The following RBM41 variants were observed in gnomAD, a reference collection of about 807,000 sequenced individuals.
RBM41 encodes the protein RNA binding motif protein 41, also known as RNA-binding protein 41.
RBM41 carries 14 observed loss-of-function variants against 30.8 expected under a neutral mutation model. The ratio of observed to expected loss-of-function variants is 0.45; its 90% CI spans 0.30 to 0.71. The LOEUF is 0.71. Ranked by LOEUF, RBM41 falls within the 30% of genes least tolerant of loss-of-function variation. The pLI, the probability that RBM41 is intolerant of heterozygous loss-of-function variation, is 0.08. For missense variants in RBM41, 276 were observed against 326.3 expected (o/e 0.85, Z 1.19); for synonymous variants, 120 against 110.1 (o/e 1.09, Z -0.56).
chrX:107,077,442 A>T (rs1005540646), intron 6 of RBM41, among the ~76,000 whole-genome samples: 6 of 110,812 alleles, frequency 5.4e-5, no homozygotes, highest in Non-Finnish European at 1.1e-4. Flanking sequence ...CAATATGAAT[A>T]ATTTTTAAAA....
chrX:107,060,956 CT>C (rs1013602988), downstream of RBM41, among the ~76,000 whole-genome samples: 3 of 111,433 alleles, frequency 2.7e-5, no homozygotes, highest in East Asian at 2.8e-4. Flanking sequence ...CTAAAAATCA[CT>C]TTTGTGGCAT....
chrX:107,056,189 A>G, the RBM41 span, among the ~76,000 whole-genome samples: 2 of 111,946 alleles, frequency 1.8e-5, no homozygotes, highest in East Asian at 5.6e-4. Context: ...GTAACTTATT[A>G]CATTGATTGA....
chrX:107,110,788 A>G (rs1924401535), intron 5 of RBM41, among the ~76,000 whole-genome samples: 1 of 111,524 alleles, frequency 9.0e-6, no homozygotes, highest in Non-Finnish European at 1.9e-5. Flanking sequence ...AGGATCATTC[A>G]GTGTGGAAAG....
At chrX:107,101,298 C>T (rs912402458) in intron 5 of RBM41, among the ~76,000 whole-genome samples, 3 of 110,713 alleles carry the variant, frequency 2.7e-5, no homozygotes, top group Non-Finnish European at 5.7e-5. Flanking sequence ...AGATCGTTTG[C>T]AAAAAAAGTG....
chrX:107,118,343 G>A (rs1330937980), intron 1 of RBM41, among the ~76,000 whole-genome samples: 1 of 111,134 alleles, frequency 9.0e-6, no homozygotes, highest in African/African-American at 3.3e-5. Context: ...ACACACAGAC[G>A]TTGCAAATAA....
rs181905591 is a variant in RBM41, at chrX:107,083,863, A to C, written c.999+4573T>G. 5.5e-5 allele frequency among the ~76,000 whole-genome samples: 6 copies of C among 109,678 alleles called. No homozygotes were observed. In the East Asian group the frequency reaches 1.4e-3, roughly 26 times the overall value. ...GGTTATTTTAAATTCCATATCTGAT[A>C]ATTCCAAAACCTGAATTTGGTTCTC... On this transcript the variant is annotated intron_variant, in intron 6 of 7. Coordinates refer to ENST00000685964, the MANE Select transcript of RBM41 (RefSeq NM_001324242.2).
chrX:107,115,649 AGAAAT>A, intron 3 of RBM41, 93 bp from the exon 4 acceptor site: 1 of 921,450 alleles, frequency 1.1e-6, no homozygotes, highest in Non-Finnish European at 1.5e-6. Flanking sequence ...ACCTAGGCCC[AGAAAT>A]GAATGTTTAC....
chrX:107,083,412 T>C lies in RBM41; in HGVS notation c.999+5024A>G, dbSNP rs536766714. 1.8e-3 allele frequency among the ~76,000 whole-genome samples: 195 copies of C among 111,351 alleles called. 1 individual carries two copies. The South Asian group carries it at 0.029, about 17-fold the overall frequency. On this transcript the variant is annotated intron_variant, in intron 6 of 7. Coordinates refer to ENST00000685964, the MANE Select transcript of RBM41 (RefSeq NM_001324242.2). ...CTGGTATTTATCCTGCTTGGTGTTC[T>C]TGGAGCTTCCCAGATCTGTAGTTTG...
intron 6 of RBM41, among the ~76,000 whole-genome samples, chrX:107,082,974 C>T (rs1921675518): frequency 9.0e-6 from 1 of 110,946 alleles, no homozygotes; most frequent in Admixed American, 9.6e-5. Flanking sequence ...TTTCATTTTA[C>T]CTTAATGCAT....
rs898888481 is a variant in RBM41 at position 107,063,532 on chromosome X, C to T, written c.*3995G>A. On this transcript the variant is annotated 3_prime_UTR_variant, in exon 8 of 8. Transcript: ENST00000685964. ...TTCAAAAACTCATTTAACCTATTTA[C>T]TTGATATAGGTTTATTCAAGTTTTC... 1.8e-5 allele frequency among the ~76,000 whole-genome samples: 2 copies of T among 112,315 alleles called. No individual in the cohort carries two copies. The highest frequency in any genetic ancestry group is 3.8e-5 in the Non-Finnish European group (2 of 53,246).
chrX:107,073,349 AAAG>A (rs1213245644), intron 6 of RBM41, among the ~76,000 whole-genome samples: 2 of 112,206 alleles, frequency 1.8e-5, no homozygotes, highest in Non-Finnish European at 3.8e-5. Context: ...CTATTTCTCT[AAAG>A]AAGACATACA....
intron 6 of RBM41, among the ~76,000 whole-genome samples, chrX:107,085,319 T>C (rs1440283761): frequency 2.9e-5 from 3 of 105,183 alleles, no homozygotes; most frequent in Admixed American, 1.0e-4. Flanking sequence ...AGTGTTGGAG[T>C]GCAGTGGCAT....
intron 5 of RBM41, among the ~76,000 whole-genome samples, chrX:107,095,894 G>A (rs1228234633): frequency 9.0e-6 from 1 of 110,897 alleles, no homozygotes; most frequent in Non-Finnish European, 1.9e-5. Flanking sequence ...GCATGCACCT[G>A]TAGTCCTAGC....
At chrX:107,055,216 T>C in the RBM41 span, among the ~76,000 whole-genome samples, 1 of 113,091 alleles carries the variant, frequency 8.8e-6, no homozygotes, top group East Asian at 2.7e-4. Context: ...TGTGTGGCTA[T>C]ATAACACATT....
In RBM41 at chrX:107,069,277, G is replaced by A. The variant is rs748041481; in HGVS notation, c.1125C>T (p.Gly375=). ...TACTGGGAAAGGTGATAAAAGCCTG[G>A]CCCCTCATTCGTCCAGTCATCATTC... ...QFRMMTGRMR[G]QAFITFPNKE... The change falls in exon 7 of 8, where the codon GGC becomes GGT. Residue 375 remains glycine, a synonymous_variant. Transcript: ENST00000685964. 1.7e-6 allele frequency: 2 copies of A among 1,206,980 alleles called. No individual in the cohort carries two copies. The highest frequency in any genetic ancestry group is 5.9e-5 in the East Asian group (2 of 33,746).
the RBM41 span, among the ~76,000 whole-genome samples, chrX:107,052,499 G>A: frequency 9.0e-6 from 1 of 110,768 alleles, no homozygotes; most frequent in East Asian, 2.8e-4. Flanking sequence ...GTTGACTGAC[G>A]ACCGCTCTAC....
chrX:107,091,857 C>T (rs969822833), intron 5 of RBM41, among the ~76,000 whole-genome samples: 2 of 106,418 alleles, frequency 1.9e-5, no homozygotes, highest in Non-Finnish European at 3.9e-5. Flanking sequence ...CTCATTCCTT[C>T]GTAAAGCTGC....
chrX:107,103,543 T>C (rs1003412470), intron 5 of RBM41, among the ~76,000 whole-genome samples: 1 of 111,074 alleles, frequency 9.0e-6, no homozygotes, highest in African/African-American at 3.3e-5. Context: ...CCTCCAGAAC[T>C]GTGGAGAGGA....
intron 5 of RBM41, among the ~76,000 whole-genome samples, chrX:107,096,673 C>A (rs1164786966): frequency 9.0e-6 from 1 of 111,533 alleles, no homozygotes; most frequent in African/African-American, 3.2e-5. Context: ...ATCTTTCTGA[C>A]CTTGAGTTCA....
Sources: allele counts gnomAD v4.1 joint callset (sites outside exome capture counted in the v4.1 genomes callset), GRCh38; gene constraint gnomAD v4.1.1; transcripts MANE v1.5; gene names NCBI Gene and HGNC (gene_info 2026-07-23, HGNC 2026-07-21).